LCK: variants seen among roughly 807,000 people sequenced by gnomAD.
LCK encodes LCK proto-oncogene, Src family tyrosine kinase.
In LCK, 14 loss-of-function variants were observed where a neutral mutation model predicts 64.6. The observed-to-expected ratio is 0.22, with a 90% confidence interval of 0.14 to 0.34. The LOEUF is 0.34. LCK is among the 10% of genes least tolerant of loss of function. LCK has a pLI of 1.00. For missense variants in LCK, 434 were observed against 668.1 expected, an observed-to-expected ratio of 0.65 and a Z score of 3.86; for synonymous variants, 277 against 263.6, an observed-to-expected ratio of 1.05 and a Z score of -0.49.
Position 32,285,665 on chromosome 1 carries a change from G to A in LCK, c.1479G>A (p.Val493=). 1.2e-6 allele frequency: 2 copies of A among 1,613,770 alleles called. No individual in the cohort carries two copies. The highest frequency in any genetic ancestry group is 2.7e-5 in the African/African-American group (2 of 75,066). The change falls in exon 13 of 13, where the codon GTG becomes GTA. Residue 493 remains valine (V), a synonymous_variant. Transcript: ENST00000336890. ...CCACCTTTGACTACCTGCGCAGTGT[G>A]CTGGAGGACTTCTTCACGGCCACAG... The part of the protein sequence containing the change: ...DRPTFDYLRS[V]LEDFFTATEG...
intron 1 of LCK, among the ~76,000 whole-genome samples, chr1:32,262,220 G>A (rs1476526842): frequency 7.0e-6 from 1 of 143,256 alleles, no homozygotes; most frequent in Non-Finnish European, 1.5e-5. Context: ...GCTGAGCATG[G>A]TCGGGTGCCG....
At chr1:32,256,842 C>T (rs956233802) in intron 1 of LCK, among the ~76,000 whole-genome samples, 4 of 152,116 alleles carry the variant, frequency 2.6e-5, no homozygotes, top group Non-Finnish European at 5.9e-5. Context: ...TGACCATTTA[C>T]GAATGTTAAT....
chr1:32,271,602 T>C (rs1640082996), intron 1 of LCK, among the ~76,000 whole-genome samples: 1 of 152,032 alleles, frequency 6.6e-6, no homozygotes, highest in Non-Finnish European at 1.5e-5. Flanking sequence ...AGTTTGAGGT[T>C]CCAGTGAGTT....
chr1:32,264,836 G>A lies in LCK; in HGVS notation c.-5-9489G>A, dbSNP rs552602668. Among the ~76,000 whole-genome samples, 5 of 152,110 alleles carry A rather than the reference G, an allele frequency of 3.3e-5. 1 individual carries two copies. In the South Asian group the frequency reaches 8.3e-4, roughly 25 times the overall value. On this transcript the variant is annotated intron_variant, in intron 1 of 12. Coordinates refer to ENST00000336890, the MANE Select transcript of LCK (RefSeq NM_005356.5). ...TGGTCTCAAACTCCGGGGCTCAATCGATCCTCTCTCCTCAGCCTCCCAAAG... is the reference window on the plus strand; with the variant it reads ...TGGTCTCAAACTCCGGGGCTCAATCAATCCTCTCTCCTCAGCCTCCCAAAG...
rs1569966717 is a variant in LCK, at chr1:32,279,767, G to T, written c.1041+20G>T. The T allele has an allele frequency of 6.2e-7, 1 of 1,609,212 alleles. No homozygotes were observed. The stretch of plus-strand genomic sequence containing the variant: ...GCCCAAGTAAGGAGACTGGGGAGGG[G>T]GGCTGGGCAAGGGAACAGACCAGTG... On this transcript the variant is annotated intron_variant, in intron 10 of 12. Coordinates refer to ENST00000336890, the MANE Select transcript of LCK (RefSeq NM_005356.5).
intron 1 of LCK, among the ~76,000 whole-genome samples, chr1:32,261,308 C>T (rs1042677347): frequency 1.5e-5 from 2 of 135,678 alleles, no homozygotes; most frequent in Admixed American, 8.3e-5. Flanking sequence ...AGTGCAGTGG[C>T]GTGATGTCCA....
At chr1:32,255,932 G>A (rs1639622069) in intron 1 of LCK, among the ~76,000 whole-genome samples, 1 of 150,838 alleles carries the variant, frequency 6.6e-6, no homozygotes, top group Non-Finnish European at 1.5e-5. Context: ...TTCCTGAGTA[G>A]CCTAGGACTA....
Position 32,275,716 on chromosome 1 carries a change from G to A in LCK, c.481+44G>A, listed in dbSNP as rs1335936594. 75 of 1,511,232 alleles carry A rather than the reference G, an allele frequency of 5.0e-5. No individual in the cohort carries two copies. Among genetic ancestry groups the A allele is most frequent in the Non-Finnish European group, 6.5e-5 (73 of 1,118,566 alleles). The allele number at this position is 1,511,232 out of a possible 1,614,324, so 93.6% of individuals were successfully genotyped here. A position where few individuals can be genotyped will look rare whatever the true frequency, so the allele number is the denominator to read the frequency against. The stretch of plus-strand genomic sequence containing the variant: ...CGACCGGGCGCGGGGGTGCCCCGGG[G>A]TGTGCCCGAGGGGGGGCGCAGGGTG... On this transcript the variant is annotated intron_variant, in intron 6 of 12. Transcript: ENST00000336890. The surrounding 1 kb of genome is among the most constrained non-coding windows in gnomAD (Gnocchi z 6.9).
rs1466160811 is a variant in LCK, at chr1:32,276,294, G to A, written c.632-43G>A. On this transcript the variant is annotated intron_variant, in intron 7 of 12. Transcript: ENST00000336890. The surrounding 1 kb of genome is among the most constrained non-coding windows in gnomAD (Gnocchi z 4.6). The stretch of plus-strand genomic sequence containing the variant: ...GTGGGGGAGGTGGTGTCAATACGAG[G>A]CCTGCCCTATTGACAGCCTTCACCC... 2 of 1,529,316 alleles carry A rather than the reference G, an allele frequency of 1.3e-6. 1 individual carries two copies. Among genetic ancestry groups the A allele is most frequent in the South Asian group, 2.6e-5 (2 of 78,276 alleles). The allele number at this position is 1,529,316 out of a possible 1,614,324, so 94.7% of individuals were successfully genotyped here. A position where few individuals can be genotyped will look rare whatever the true frequency, so the allele number is the denominator to read the frequency against.
rs770615175 is a variant in LCK, at chr1:32,285,539, G to C, written c.1353G>C (p.Gln451His). 1 of 1,614,216 alleles carries C rather than the reference G, an allele frequency of 6.2e-7. No homozygotes were observed. Among genetic ancestry groups the C allele is most frequent in the Non-Finnish European group, 8.5e-7 (1 of 1,180,040 alleles). The change falls in exon 13 of 13, where the codon CAG becomes CAC. Residue 451 changes from glutamine (Q) to histidine (H), a missense_variant. Coordinates refer to ENST00000336890, the MANE Select transcript of LCK (RefSeq NM_005356.5). ...GGATGACCAACCCGGAGGTGATTCA[G>C]AACCTGGAGCGAGGCTACCGCATGG... is the stretch of plus-strand genomic sequence containing the variant. ...YPGMTNPEVI[Q>H]NLERGYRMVR...
chr1:32,261,810 G>T (rs1396901015), intron 1 of LCK, among the ~76,000 whole-genome samples: 2 of 150,688 alleles, frequency 1.3e-5, no homozygotes, highest in African/African-American at 4.9e-5. Flanking sequence ...AAATTAGCCG[G>T]GCATACTAGG....
intron 1 of LCK, among the ~76,000 whole-genome samples, chr1:32,261,067 T>A (rs1258439371): frequency 2.0e-5 from 3 of 151,928 alleles, no homozygotes; most frequent in Non-Finnish European, 4.4e-5. Flanking sequence ...TAATTTAATT[T>A]AATTAATTTT....
chr1:32,253,657 A>G (rs1490361966), intron 1 of LCK, among the ~76,000 whole-genome samples: 1 of 152,170 alleles, frequency 6.6e-6, no homozygotes, highest in Non-Finnish European at 1.5e-5. Context: ...AGGGCTGTCC[A>G]CACCCAAATT....
rs890599892 is a variant in LCK, at chr1:32,275,186, C to T, written c.278+103C>T. ...CCTTGACCAGCTCGGGGTGGCCGCC[C>T]TTGGGACAAAATTCGAGGCTCAGTA... On this transcript the variant is annotated intron_variant, in intron 4 of 12. Transcript: ENST00000336890. The surrounding 1 kb of genome is among the most constrained non-coding windows in gnomAD (Gnocchi z 6.9). 16 of 1,466,076 alleles carry T rather than the reference C, an allele frequency of 1.1e-5. No homozygotes were observed. The highest frequency in any genetic ancestry group is 1.4e-5 in the Non-Finnish European group (15 of 1,055,620). 90.8% of individuals were successfully genotyped at this position (1,466,076 alleles called of 1,614,324 possible).
chr1:32,281,784 G>T (rs181011810), intron 12 of LCK, among the ~76,000 whole-genome samples: 333 of 152,248 alleles, frequency 2.2e-3, no homozygotes, highest in Non-Finnish European at 3.3e-3. Context: ...ACCTTGGAAG[G>T]CCGGATGCAG....
intron 9 of LCK, among the ~76,000 whole-genome samples, chr1:32,278,042 A>G (rs1640335587): frequency 6.6e-6 from 1 of 152,078 alleles, no homozygotes; most frequent in African/African-American, 2.4e-5. Flanking sequence ...AGCTGGGCAT[A>G]GTGGTGTATG....
intron 3 of LCK, 22 bp downstream of exon 3, chr1:32,274,840 T>C (rs995231152): frequency 6.2e-7 from 1 of 1,613,866 alleles, no homozygotes; most frequent in African/African-American, 1.3e-5. Flanking sequence ...CAGCAGGGCC[T>C]GAAAGACAAG....
At chr1:32,281,389 G>A (rs1050888802) in intron 12 of LCK, among the ~76,000 whole-genome samples, 1 of 151,402 alleles carries the variant, frequency 6.6e-6, no homozygotes. Flanking sequence ...GAGCCCAGGA[G>A]GTTGAGGGTG....
intron 1 of LCK, among the ~76,000 whole-genome samples, chr1:32,267,498 C>T (rs767199187): frequency 8.5e-5 from 13 of 152,214 alleles, no homozygotes; most frequent in South Asian, 2.1e-4. Context: ...CGGTGGCTCA[C>T]GTCTGTAGTC....
Sources: gnomAD v4.1 joint callset for allele counts (sites outside exome capture counted in the v4.1 genomes callset) on GRCh38, gnomAD v4.1.1 for gene constraint, Gnocchi (gnomAD v3.1) non-coding constraint, MANE v1.5 for transcripts, NCBI Gene and HGNC (gene_info 2026-07-23, HGNC 2026-07-21) for gene names.